ZNF385D: variants seen among roughly 807,000 people sequenced by gnomAD.
ZNF385D encodes the protein zinc finger protein 385D.
ZNF385D carries 15 observed loss-of-function variants against 35.8 expected under a neutral mutation model. That is an observed-to-expected ratio of 0.42 (90% confidence interval 0.28 to 0.64). The LOEUF (loss-of-function observed/expected upper bound fraction) is 0.64, where lower values mean the gene tolerates loss of function less well. Ranked by LOEUF, ZNF385D falls within the 30% of genes least tolerant of loss-of-function variation. The pLI, the probability that ZNF385D is intolerant of heterozygous loss-of-function variation, is 0.23. For synonymous variants in ZNF385D, 212 were observed against 186.8 expected, an observed-to-expected ratio of 1.13 and a Z score of -1.10; for missense variants, 474 against 494.6, an observed-to-expected ratio of 0.96 and a Z score of 0.39.
chr3:21,945,261 C>T (rs1701725797), intron 3 of ZNF385D, among the ~76,000 whole-genome samples: 1 of 151,994 alleles, frequency 6.6e-6, no homozygotes, highest in Admixed American at 6.6e-5. Context: ...TTCTATGCCA[C>T]ACAGGCTGGG....
intron 1 of ZNF385D, among the ~76,000 whole-genome samples, chr3:21,693,769 A>G (rs1271802538): frequency 6.6e-6 from 1 of 152,164 alleles, no homozygotes; most frequent in Non-Finnish European, 1.5e-5. Context: ...ATGTTTTATG[A>G]ATTTAAAAAA....
chr3:22,020,063 C>T (rs1489559298), intron 3 of ZNF385D, among the ~76,000 whole-genome samples: 1 of 151,636 alleles, frequency 6.6e-6, no homozygotes. Flanking sequence ...AAAATTCATA[C>T]AATTAAAAAA....
At chr3:21,698,303 T>C (rs1459461353) in intron 1 of ZNF385D, among the ~76,000 whole-genome samples, 1 of 151,728 alleles carries the variant, frequency 6.6e-6, no homozygotes, top group Non-Finnish European at 1.5e-5. Context: ...TACAGCACCA[T>C]GATGGGGCTG....
chr3:21,990,345 T>A (rs937484651), intron 3 of ZNF385D, among the ~76,000 whole-genome samples: 6 of 152,174 alleles, frequency 3.9e-5, no homozygotes, highest in Non-Finnish European at 8.8e-5. Context: ...AAGGAACTCT[T>A]CACAAATCCA....
In ZNF385D at chr3:22,370,031, T is replaced by C. The variant is rs190463289; in HGVS notation, c.106+2419A>G. Among the ~76,000 whole-genome samples the C allele has an allele frequency of 1.3e-3, 198 of 152,346 alleles. 1 individual carries two copies. Among genetic ancestry groups the C allele is most frequent in the African/African-American group, 4.6e-3 (190 of 41,578 alleles). On this transcript the variant is annotated intron_variant, in intron 2 of 5. Coordinates refer to the ZNF385D transcript ENST00000494108. The stretch of plus-strand genomic sequence containing the variant: ...ATAGATGAAACACTGTTTTCTTGAA[T>C]TGCAAACATTTTCATTATTGAACTT...
intron 3 of ZNF385D, among the ~76,000 whole-genome samples, chr3:21,837,219 G>A (rs1559675266): frequency 6.6e-6 from 1 of 152,068 alleles, no homozygotes; most frequent in African/African-American, 2.4e-5. Flanking sequence ...TCTAGCAGTT[G>A]AAAGCCTTTG....
chr3:21,681,316 A>AAAAAAAAAAAAAAAAAAAAAAAAAC (rs1334410224), intron 1 of ZNF385D, among the ~76,000 whole-genome samples: 7 of 141,672 alleles, frequency 4.9e-5, no homozygotes, highest in East Asian at 4.2e-4. Flanking sequence ...AAAAAAAAAA[A>AAAAAAAAAAAAAAAAAAAAAAAAAC]AAAAAAAACC....
In ZNF385D at chr3:21,630,224, C is replaced by T. The variant is rs769591863; in HGVS notation, c.165+34662G>A. 2.8e-4 allele frequency among the ~76,000 whole-genome samples: 38 copies of T among 137,148 alleles called. 2 individuals are homozygous for T. The highest frequency in any genetic ancestry group is 9.9e-4 in the Admixed American group (13 of 13,100). 90.0% of individuals were successfully genotyped at this position (137,148 alleles called of 152,430 possible). ...TTCTTTCTTTTTTTTTTTTTTGAGA[C>T]GGAGTTTTCCTCTTGTTGCCCAGGC... is the stretch of plus-strand genomic sequence containing the variant. On this transcript the variant is annotated intron_variant, in intron 2 of 7. Transcript: ENST00000281523.
chr3:22,096,592 C>T (rs1432264731), intron 3 of ZNF385D, among the ~76,000 whole-genome samples: 3 of 152,126 alleles, frequency 2.0e-5, no homozygotes, highest in Middle Eastern at 6.8e-3. Flanking sequence ...TTTATTCCTC[C>T]TCTATTTTCT....
At chr3:21,590,030 G>T (rs1239593812) in intron 2 of ZNF385D, among the ~76,000 whole-genome samples, 1 of 152,040 alleles carries the variant, frequency 6.6e-6, no homozygotes, top group African/African-American at 2.4e-5. Flanking sequence ...TGCAGCTGTG[G>T]ACAAGTAGGC....
At position 22,350,522 on chromosome 3, in the gene ZNF385D, T is replaced by A. The variant is rs796515502; in HGVS notation, c.106+21928A>T. Among the ~76,000 whole-genome samples, 6 of 152,134 alleles carry A rather than the reference T, an allele frequency of 3.9e-5. No homozygotes were observed. The South Asian group carries it at 1.0e-3, about 26-fold the overall frequency. On this transcript the variant is annotated intron_variant, in intron 2 of 5. Transcript: ENST00000494108. ...TAAATCTGTGTGTATAAGCTATTGA[T>A]TCCAGGCTTGACAAACCTTAGCAAA... is the stretch of plus-strand genomic sequence containing the variant.
chr3:21,963,215 T>C (rs1306488353), intron 3 of ZNF385D, among the ~76,000 whole-genome samples: 1 of 152,174 alleles, frequency 6.6e-6, no homozygotes, highest in African/African-American at 2.4e-5. Context: ...GCAGCAGTCA[T>C]GTGGGAGAAG....
chr3:22,333,133 A>G (rs1695013716), intron 2 of ZNF385D, among the ~76,000 whole-genome samples: 1 of 152,116 alleles, frequency 6.6e-6, no homozygotes, highest in Non-Finnish European at 1.5e-5. Flanking sequence ...ATATTTTGCC[A>G]TTTCATTCTG....
intron 3 of ZNF385D, among the ~76,000 whole-genome samples, chr3:21,884,961 T>C (rs1214120740): frequency 6.6e-6 from 1 of 152,054 alleles, no homozygotes; most frequent in Non-Finnish European, 1.5e-5. Flanking sequence ...TGCTCACTTA[T>C]TTTCATTTTA....
At chr3:21,929,985 T>C (rs12631100) in intron 3 of ZNF385D, among the ~76,000 whole-genome samples, 34,702 of 151,914 alleles carry the variant, frequency 0.23, 4,378 homozygotes, top group East Asian at 0.33. Flanking sequence ...GGACCCAGAA[T>C]AGACAAAACA....
At chr3:21,840,697 C>CA (rs1695610314) in intron 3 of ZNF385D, among the ~76,000 whole-genome samples, 1 of 152,024 alleles carries the variant, frequency 6.6e-6, no homozygotes, top group South Asian at 2.1e-4. Context: ...ATGTTTCCAT[C>CA]CAGTTCTAAT....
intron 2 of ZNF385D, among the ~76,000 whole-genome samples, chr3:22,200,079 C>G (rs1048767366): frequency 6.6e-6 from 1 of 152,018 alleles, no homozygotes; most frequent in Non-Finnish European, 1.5e-5. Flanking sequence ...TAAAAGCTGT[C>G]AAAGACAGAA....
At chr3:22,325,575 G>A (rs1026963134) in intron 2 of ZNF385D, among the ~76,000 whole-genome samples, 20 of 152,130 alleles carry the variant, frequency 1.3e-4, no homozygotes, top group African/African-American at 4.8e-4. Context: ...ACCAGCCTGG[G>A]CAACATGGTC....
intron 1 of ZNF385D, among the ~76,000 whole-genome samples, chr3:21,741,069 T>G (rs55801703): frequency 0.2 from 30,237 of 152,116 alleles, 3,086 homozygotes; most frequent in Middle Eastern, 0.33. Context: ...CAGGCATTCA[T>G]CCCATATTCA....
Sources: allele counts gnomAD v4.1 joint callset (sites outside exome capture counted in the v4.1 genomes callset), GRCh38; gene constraint gnomAD v4.1.1; transcripts MANE v1.5; gene names NCBI Gene and HGNC (gene_info 2026-07-23, HGNC 2026-07-21).